Variants in DYM observed in about 807,000 individuals in gnomAD.
DYM encodes dyggve-Melchior-Clausen syndrome protein.
Under a neutral mutation model 93.1 loss-of-function variants are expected in DYM, and 78 were observed. The observed-to-expected ratio is 0.84, with a 90% CI of 0.70 to 1.01. DYM has a LOEUF of 1.01. Among genes scored for constraint, DYM ranks in the 50% least tolerant of loss-of-function variants. The pLI, the probability that DYM is intolerant of heterozygous loss-of-function variation, is 0.00. For missense variants in DYM, 789 were observed against 845.0 expected (o/e 0.93, Z 0.82); for synonymous variants, 321 against 319.7 (o/e 1.00, Z -0.04).
Position 49,425,414 on chromosome 18 carries a change from C to A in DYM, c.140+4841G>T, listed in dbSNP as rs1017450164. 3.9e-5 allele frequency among the ~76,000 whole-genome samples: 6 copies of A among 152,218 alleles called. No individual in the cohort carries two copies. The South Asian group carries it at 8.3e-4, about 21-fold the overall frequency. On this transcript the variant is annotated intron_variant, in intron 2 of 17. Coordinates refer to ENST00000675505, the MANE Select transcript of DYM (RefSeq NM_001353214.3). ...TAATTCAAGATGGATTAAAGACTGA[C>A]ATGTTAGACCTAAAACGATAAAAAC...
intron 3 of DYM, among the ~76,000 whole-genome samples, chr18:49,382,712 C>A (rs2068170008): frequency 6.6e-6 from 1 of 152,142 alleles, no homozygotes; most frequent in Non-Finnish European, 1.5e-5. Flanking sequence ...GTTTCCTCAT[C>A]TGTAAAATTA....
intron 1 of DYM, among the ~76,000 whole-genome samples, chr18:49,434,264 T>C (rs1240459514): frequency 1.3e-5 from 2 of 151,308 alleles, no homozygotes; most frequent in Non-Finnish European, 2.9e-5. Context: ...GGGGAATCAC[T>C]TGAACCTGGG....
At chr18:49,091,727 A>C (rs563900861) in intron 17 of DYM, among the ~76,000 whole-genome samples, 1 of 150,886 alleles carries the variant, frequency 6.6e-6, no homozygotes, top group South Asian at 2.1e-4. Flanking sequence ...ACAGTGATTT[A>C]ATATTTATTT....
chr18:49,045,605 T>C (rs1252187415), intron 17 of DYM, among the ~76,000 whole-genome samples: 1 of 152,178 alleles, frequency 6.6e-6, no homozygotes, highest in Non-Finnish European at 1.5e-5. Context: ...CCTGTTCTCA[T>C]GGAAGGTAAA....
rs562017980 is a variant in DYM, at chr18:49,365,320, G to A, written c.422-2087C>T. 1.8e-4 allele frequency among the ~76,000 whole-genome samples: 27 copies of A among 152,224 alleles called. No individual in the cohort carries two copies. In the East Asian group the frequency reaches 3.1e-3, roughly 17 times the overall value. On this transcript the variant is annotated intron_variant, in intron 5 of 17. Coordinates refer to ENST00000675505, the MANE Select transcript of DYM (RefSeq NM_001353214.3). ...AGAATATTAAATCATGCTGAACACA[G>A]CAATCGATGCTAAAAAGGATACACA...
chr18:49,366,381 A>T (rs1282303144), intron 5 of DYM, among the ~76,000 whole-genome samples: 1 of 152,260 alleles, frequency 6.6e-6, no homozygotes, highest in Non-Finnish European at 1.5e-5. Flanking sequence ...TTGCAGGTCA[A>T]TGACAAAATA....
Position 49,047,076 on chromosome 18 carries a change from T to C in DYM, c.2026-2872A>G, listed in dbSNP as rs1370656330. Among the ~76,000 whole-genome samples, 3 of 152,134 alleles carry C rather than the reference T, an allele frequency of 2.0e-5. No individual in the cohort carries two copies. In the East Asian group the frequency reaches 5.8e-4, roughly 29 times the overall value. ...GTGTAAGAATTCCTAAAACGGAGGG[T>C]GTTCTGGCCATTGATGTAACTTCAA... On this transcript the variant is annotated intron_variant, in intron 17 of 17. Coordinates refer to ENST00000675505, the MANE Select transcript of DYM (RefSeq NM_001353214.3).
chr18:49,404,424 G>A (rs2071218926), intron 2 of DYM, among the ~76,000 whole-genome samples: 1 of 152,098 alleles, frequency 6.6e-6, no homozygotes, highest in South Asian at 2.1e-4. Flanking sequence ...ATTTTCTTTT[G>A]AATATATACC....
intron 14 of DYM, among the ~76,000 whole-genome samples, chr18:49,188,229 T>G (rs966510883): frequency 1.3e-5 from 2 of 152,196 alleles, no homozygotes; most frequent in Non-Finnish European, 2.9e-5. Flanking sequence ...GCATTTCAAA[T>G]TAACACAAAC....
chr18:49,191,773 G>A (rs1474778265), intron 14 of DYM, among the ~76,000 whole-genome samples: 1 of 152,114 alleles, frequency 6.6e-6, no homozygotes, highest in Admixed American at 6.5e-5. Context: ...TATTAAATTT[G>A]TAATGGCTCT....
intron 17 of DYM, among the ~76,000 whole-genome samples, chr18:49,046,211 CCA>C (rs1022469832): frequency 8.8e-5 from 13 of 148,498 alleles, no homozygotes; most frequent in African/African-American, 3.0e-4. Context: ...GACACACACA[CCA>C]CAGACTCACA....
At chr18:49,416,289 G>A (rs558102852) in intron 2 of DYM, among the ~76,000 whole-genome samples, 1 of 152,330 alleles carries the variant, frequency 6.6e-6, no homozygotes, top group African/African-American at 2.4e-5. Flanking sequence ...CAGGTTCAGT[G>A]AGATTAAGCA....
chr18:49,152,233 C>T (rs2085897503), intron 15 of DYM, among the ~76,000 whole-genome samples: 1 of 152,080 alleles, frequency 6.6e-6, no homozygotes, highest in African/African-American at 2.4e-5. Context: ...AGGGACAGAA[C>T]GATCTTCCTC....
At chr18:49,150,640 G>A (rs1322248809) in intron 15 of DYM, among the ~76,000 whole-genome samples, 1 of 152,170 alleles carries the variant, frequency 6.6e-6, no homozygotes, top group Middle Eastern at 3.2e-3. Context: ...ACGGCATCTT[G>A]AGCTGACTAA....
intron 17 of DYM, among the ~76,000 whole-genome samples, chr18:49,088,913 C>T (rs753502356): frequency 4.1e-4 from 63 of 152,000 alleles, no homozygotes; most frequent in Non-Finnish European, 8.7e-4. Flanking sequence ...TGCCTTAGCC[C>T]CCTGAATAGT....
At chr18:49,134,904 C>T (rs933108147) in intron 15 of DYM, among the ~76,000 whole-genome samples, 1 of 152,076 alleles carries the variant, frequency 6.6e-6, no homozygotes, top group African/African-American at 2.4e-5. Flanking sequence ...GTCAGGAGTT[C>T]GAGACCAGCC....
At chr18:49,353,504 A>G (rs1218095148) in intron 6 of DYM, among the ~76,000 whole-genome samples, 1 of 152,072 alleles carries the variant, frequency 6.6e-6, no homozygotes, top group Non-Finnish European at 1.5e-5. Flanking sequence ...GGGAAAGTCA[A>G]GTGTTACTGC....
intron 15 of DYM, among the ~76,000 whole-genome samples, chr18:49,135,506 G>A (rs928893646): frequency 2.0e-5 from 3 of 152,118 alleles, no homozygotes; most frequent in African/African-American, 7.2e-5. Flanking sequence ...CAATGAACAT[G>A]CAAAACACCT....
chr18:49,278,472 G>C (rs2094899212), intron 10 of DYM, among the ~76,000 whole-genome samples: 1 of 152,212 alleles, frequency 6.6e-6, no homozygotes, highest in Non-Finnish European at 1.5e-5. Flanking sequence ...TAGTGTTGAA[G>C]TGACTATATA....
Sources: gnomAD v4.1 joint callset for allele counts (sites outside exome capture counted in the v4.1 genomes callset) on GRCh38, gnomAD v4.1.1 for gene constraint, MANE v1.5 for transcripts, NCBI Gene and HGNC (gene_info 2026-07-23, HGNC 2026-07-21) for gene names.